ATP2B2: variants seen among roughly 807,000 people sequenced by gnomAD.
The protein encoded by ATP2B2 is ATPase plasma membrane Ca2+ transporting 2.
Under a neutral mutation model 120.0 loss-of-function variants are expected in ATP2B2, and 15 were observed. The ratio of observed to expected loss-of-function variants is 0.12; its 90% CI spans 0.08 to 0.19. The LOEUF is 0.19. ATP2B2 is among the 10% of genes least tolerant of loss of function. The probability of loss-of-function intolerance (pLI) is 1.00; values close to 1 mark genes in which losing one functional copy is unlikely to be tolerated. For missense variants in ATP2B2, 1,045 were observed against 1,719.8 expected (o/e 0.61, Z 6.94); for synonymous variants, 694 against 700.3 (o/e 0.99, Z 0.14).
chr3:10,501,015 A>G (rs2066363997), intron 1 of ATP2B2, among the ~76,000 whole-genome samples: 1 of 152,172 alleles, frequency 6.6e-6, no homozygotes, highest in Non-Finnish European at 1.5e-5. Flanking sequence ...GTCACTCGCC[A>G]GTGATGAGCC....
At chr3:10,576,095 C>T (rs926559846) in intron 2 of ATP2B2, among the ~76,000 whole-genome samples, 2 of 152,238 alleles carry the variant, frequency 1.3e-5, no homozygotes, top group African/African-American at 2.4e-5. Flanking sequence ...CTAGGCCCTA[C>T]AGCTAGTTGC....
chr3:10,512,464 G>GCGCACACAGACACACAGA (rs749056818), intron 3 of ATP2B2, among the ~76,000 whole-genome samples: 7 of 137,024 alleles, frequency 5.1e-5, no homozygotes, highest in African/African-American at 2.0e-4. Flanking sequence ...AAGTGTGTGC[G>GCGCACACAGACACACAGA]CACACACACA....
intron 1 of ATP2B2, among the ~76,000 whole-genome samples, chr3:10,682,870 G>A (rs2071415547): frequency 6.6e-6 from 1 of 152,190 alleles, no homozygotes; most frequent in Admixed American, 6.5e-5. Context: ...CATGGCAGGG[G>A]GCCACAGAAG....
At chr3:10,394,723 G>A (rs891276476) in intron 5 of ATP2B2, among the ~76,000 whole-genome samples, 10 of 151,692 alleles carry the variant, frequency 6.6e-5, no homozygotes, top group Admixed American at 3.3e-4. Context: ...AGGGTTTACC[G>A]ATGTCCTGCA....
At chr3:10,552,108 T>A (rs2067682110) in intron 2 of ATP2B2, among the ~76,000 whole-genome samples, 1 of 152,232 alleles carries the variant, frequency 6.6e-6, no homozygotes, top group South Asian at 2.1e-4. Context: ...AGCTCGCCTG[T>A]GGCAGCATTT....
chr3:10,566,069 T>C (rs181958318), intron 2 of ATP2B2, among the ~76,000 whole-genome samples: 2 of 152,274 alleles, frequency 1.3e-5, no homozygotes, highest in African/African-American at 4.8e-5. Flanking sequence ...TATCTGCCCA[T>C]GCACCCACCC....
intron 12 of ATP2B2, among the ~76,000 whole-genome samples, chr3:10,366,567 T>G (rs916648253): frequency 6.6e-6 from 1 of 152,238 alleles, no homozygotes; most frequent in Admixed American, 6.5e-5. Context: ...CTCAGTTTAA[T>G]AGTTCAAATG....
chr3:10,474,768 G>C (rs1405081047), intron 1 of ATP2B2, among the ~76,000 whole-genome samples: 1 of 152,252 alleles, frequency 6.6e-6, no homozygotes, highest in Non-Finnish European at 1.5e-5. Flanking sequence ...CCTCCCATGG[G>C]CAAAGGCAAA....
chr3:10,550,540 T>C (rs2067646385), intron 2 of ATP2B2, among the ~76,000 whole-genome samples: 1 of 152,210 alleles, frequency 6.6e-6, no homozygotes, highest in Non-Finnish European at 1.5e-5. Context: ...TAGTGCCCTC[T>C]GAAGTACAGC....
chr3:10,546,112 C>T (rs970237375), intron 2 of ATP2B2, among the ~76,000 whole-genome samples: 1 of 152,188 alleles, frequency 6.6e-6, no homozygotes, highest in Admixed American at 6.5e-5. Flanking sequence ...ATGGAAGAAA[C>T]CATGTTAGTA....
chr3:10,435,128 C>T (rs476174), intron 2 of ATP2B2, among the ~76,000 whole-genome samples: 138,709 of 152,246 alleles, frequency 0.91, 63,432 homozygotes, highest in East Asian at 1. Flanking sequence ...CTCTGTGCCT[C>T]GGTTTCCTCA....
intron 1 of ATP2B2, among the ~76,000 whole-genome samples, chr3:10,704,498 C>T (rs1242307273): frequency 1.3e-5 from 2 of 151,966 alleles, no homozygotes; most frequent in Admixed American, 6.5e-5. Flanking sequence ...AATTGCAATA[C>T]GGTGACTGCA....
chr3:10,676,978 C>T (rs2071262705), intron 1 of ATP2B2, among the ~76,000 whole-genome samples: 1 of 152,176 alleles, frequency 6.6e-6, no homozygotes, highest in African/African-American at 2.4e-5. Context: ...CAAAATGATG[C>T]AGCCACTTTG....
At chr3:10,459,663 G>A (rs187356712) in intron 1 of ATP2B2, among the ~76,000 whole-genome samples, 29 of 152,318 alleles carry the variant, frequency 1.9e-4, no homozygotes, top group Admixed American at 1.2e-3. Flanking sequence ...TGTCTGCTCC[G>A]TCCCTGTGGA....
chr3:10,687,228 T>C (rs1348207630), intron 1 of ATP2B2, among the ~76,000 whole-genome samples: 2 of 152,226 alleles, frequency 1.3e-5, no homozygotes, highest in Non-Finnish European at 2.9e-5. Flanking sequence ...CCAGTTTCCT[T>C]ATACTTAACA....
Position 10,449,867 on chromosome 3 carries a change from G to A in ATP2B2, c.-319-5C>T, listed in dbSNP as rs2063971610. 2.4e-6 allele frequency: 1 copy of A among 421,378 alleles called. No individual in the cohort carries two copies. The highest frequency in any genetic ancestry group is 4.5e-6 in the Non-Finnish European group (1 of 223,468). 26.1% of individuals were successfully genotyped at this position (421,378 alleles called of 1,614,324 possible). ...CATGGTCAGGGGTGGTGGCTCCTGT[G>A]GGACAAGCACAGAGTGAGTGACAAA... On this transcript the variant is annotated splice_region_variant and splice_polypyrimidine_tract_variant and intron_variant, in intron 1 of 22. Coordinates refer to ENST00000360273, the MANE Select transcript of ATP2B2 (RefSeq NM_001001331.4).
chr3:10,374,380 G>C (rs768735658), intron 11 of ATP2B2, among the ~76,000 whole-genome samples: 10 of 152,208 alleles, frequency 6.6e-5, no homozygotes, highest in Admixed American at 1.3e-4. Context: ...ACACAGAACT[G>C]CCACTTTCTG....
chr3:10,571,942 T>C (rs577635774), intron 2 of ATP2B2, among the ~76,000 whole-genome samples: 50 of 152,332 alleles, frequency 3.3e-4, no homozygotes, highest in African/African-American at 1.2e-3. Flanking sequence ...TAAGTGACTT[T>C]GCAGTTTCTC....
chr3:10,382,084 G>A (rs2125550261), intron 8 of ATP2B2, among the ~76,000 whole-genome samples: 1 of 152,012 alleles, frequency 6.6e-6, no homozygotes, highest in East Asian at 1.9e-4. Context: ...GGAGTGCAGT[G>A]GCGTGATCTT....
Sources: allele counts gnomAD v4.1 joint callset (sites outside exome capture counted in the v4.1 genomes callset), GRCh38; gene constraint gnomAD v4.1.1; transcripts MANE v1.5; gene names NCBI Gene and HGNC (gene_info 2026-07-23, HGNC 2026-07-21).